Variants in THRB observed in about 807,000 individuals in gnomAD.
THRB encodes thyroid hormone receptor beta.
THRB carries 12 observed loss-of-function variants against 47.8 expected under a neutral mutation model. The observed-to-expected ratio is 0.25, with a 90% confidence interval of 0.16 to 0.41. The LOEUF (loss-of-function observed/expected upper bound fraction) is 0.41, where lower values mean the gene tolerates loss of function less well. THRB is among the 10% of genes least tolerant of loss of function. THRB has a pLI of 1.00. For missense variants in THRB, 348 were observed against 589.2 expected, an observed-to-expected ratio of 0.59 and a Z score of 4.24; for synonymous variants, 218 against 212.2, an observed-to-expected ratio of 1.03 and a Z score of -0.24.
chr3:24,276,176 T>C (rs1203850633), intron 3 of THRB, among the ~76,000 whole-genome samples: 1 of 152,232 alleles, frequency 6.6e-6, no homozygotes, highest in African/African-American at 2.4e-5. Context: ...GTATTGTTTT[T>C]AGCAGTTGCT....
At chr3:24,442,433 C>T (rs1577597139) in intron 1 of THRB, among the ~76,000 whole-genome samples, 1 of 152,302 alleles carries the variant, frequency 6.6e-6, no homozygotes, top group East Asian at 1.9e-4. Context: ...AAAAAATAGG[C>T]ACTTACTACT....
At chr3:24,428,757 G>A (rs2070045259) in intron 1 of THRB, among the ~76,000 whole-genome samples, 1 of 151,894 alleles carries the variant, frequency 6.6e-6, no homozygotes, top group African/African-American at 2.4e-5. Flanking sequence ...CAAAGAGGAA[G>A]AGAAACAATG....
intron 4 of THRB, among the ~76,000 whole-genome samples, chr3:24,223,449 T>C (rs1311003040): frequency 6.6e-6 from 1 of 152,164 alleles, no homozygotes; most frequent in East Asian, 1.9e-4. Flanking sequence ...GACACCTCAA[T>C]AGAACTCATT....
intron 5 of THRB, among the ~76,000 whole-genome samples, chr3:24,172,203 G>A (rs1176536060): frequency 6.6e-6 from 1 of 152,144 alleles, no homozygotes; most frequent in African/African-American, 2.4e-5. Context: ...ATATGCTGGA[G>A]CTTAAGGCAC....
chr3:24,248,729 C>T (rs80111580), intron 3 of THRB, among the ~76,000 whole-genome samples: 10,082 of 152,132 alleles, frequency 0.066, 749 homozygotes, highest in African/African-American at 0.18. Context: ...AAAACCAGTC[C>T]CTTTGCGTCC....
intron 2 of THRB, among the ~76,000 whole-genome samples, chr3:24,303,119 G>C (rs1467580078): frequency 1.3e-5 from 2 of 152,108 alleles, no homozygotes; most frequent in Non-Finnish European, 2.9e-5. Flanking sequence ...AGGGACCCCT[G>C]AAACAAAGAT....
chr3:24,375,329 ATAT>A (rs913946771), intron 1 of THRB, among the ~76,000 whole-genome samples: 9 of 147,132 alleles, frequency 6.1e-5, no homozygotes, highest in Admixed American at 2.1e-4. Context: ...ATTTAGACAT[ATAT>A]TATTATATTT....
chr3:24,292,315 T>C (rs2056008670), intron 3 of THRB, among the ~76,000 whole-genome samples: 1 of 152,232 alleles, frequency 6.6e-6, no homozygotes, highest in South Asian at 2.1e-4. Flanking sequence ...TTACTATTTT[T>C]ACCATAAACA....
intron 10 of THRB, 50 bp from the exon 11 acceptor site, chr3:24,123,175 GGCTT>G (rs776169006): frequency 6.2e-7 from 1 of 1,611,136 alleles, no homozygotes; most frequent in South Asian, 1.1e-5. Context: ...GAAGGGGGAA[GGCTT>G]GCTTTGTCCA....
intron 3 of THRB, among the ~76,000 whole-genome samples, chr3:24,233,605 A>AAG (rs2048545356): frequency 6.6e-6 from 1 of 150,888 alleles, no homozygotes; most frequent in Admixed American, 6.6e-5. Flanking sequence ...GAAAGAAAGA[A>AAG]AGAAAGAAAG....
chr3:24,286,023 T>C (rs1398460029), intron 3 of THRB, among the ~76,000 whole-genome samples: 1 of 152,112 alleles, frequency 6.6e-6, no homozygotes, highest in Non-Finnish European at 1.5e-5. Context: ...AAGATGAAGA[T>C]GGAGAGATTT....
chr3:24,164,597 G>A (rs752854536), intron 5 of THRB, among the ~76,000 whole-genome samples: 1 of 152,108 alleles, frequency 6.6e-6, no homozygotes, highest in Non-Finnish European at 1.5e-5. Flanking sequence ...TAGTTAACTA[G>A]TCAACTAAAA....
intron 1 of THRB, among the ~76,000 whole-genome samples, chr3:24,426,215 C>T (rs1277891249): frequency 1.3e-5 from 2 of 151,890 alleles, no homozygotes. Context: ...GTAATAAGCA[C>T]AGTAATCATT....
intron 1 of THRB, among the ~76,000 whole-genome samples, chr3:24,369,991 A>G (rs2064782250): frequency 6.6e-6 from 1 of 152,156 alleles, no homozygotes; most frequent in African/African-American, 2.4e-5. Flanking sequence ...ATTGACTTTC[A>G]TGTAAATTTG....
chr3:24,458,041 T>A (rs1422854807), intron 1 of THRB: 2 of 152,170 alleles, frequency 1.3e-5, no homozygotes, highest in African/African-American at 4.8e-5. Flanking sequence ...AAATTATGCA[T>A]TTCTGACAAG....
intron 1 of THRB, among the ~76,000 whole-genome samples, chr3:24,364,856 A>G (rs1227663772): frequency 1.3e-5 from 2 of 152,232 alleles, no homozygotes; most frequent in African/African-American, 4.8e-5. Context: ...TAGAAAACTT[A>G]GTTTTGCTTT....
intron 3 of THRB, among the ~76,000 whole-genome samples, chr3:24,290,229 G>C (rs761959108): frequency 2.6e-5 from 4 of 152,124 alleles, no homozygotes; most frequent in Admixed American, 2.6e-4. Flanking sequence ...TGAAGGGGTG[G>C]GGTTGGGGGG....
intron 1 of THRB, among the ~76,000 whole-genome samples, chr3:24,480,154 C>A (rs539180801): frequency 2.3e-4 from 35 of 152,314 alleles, no homozygotes; most frequent in Non-Finnish European, 4.0e-4. Context: ...TTACCTCCCC[C>A]CTAAAAATCA....
chr3:24,485,643 C>T (rs945233201), intron 1 of THRB, among the ~76,000 whole-genome samples: 2 of 152,214 alleles, frequency 1.3e-5, no homozygotes, highest in African/African-American at 4.8e-5. Flanking sequence ...CTGGCTCCTG[C>T]CTGCTCCAAT....
Sources: allele counts gnomAD v4.1 joint callset (sites outside exome capture counted in the v4.1 genomes callset), GRCh38; gene constraint gnomAD v4.1.1; transcripts MANE v1.5; gene names NCBI Gene and HGNC (gene_info 2026-07-23, HGNC 2026-07-21).